The following CFAP61 variants were observed in gnomAD, a reference collection of about 807,000 sequenced individuals.
CFAP61 encodes cilia- and flagella-associated protein 61.
In CFAP61, 107 loss-of-function variants were observed where a neutral mutation model predicts 135.6. That is an observed-to-expected ratio of 0.79 (90% CI 0.67 to 0.93). The LOEUF (loss-of-function observed/expected upper bound fraction) is 0.93, where lower values mean the gene tolerates loss of function less well. CFAP61 is among the 40% of genes least tolerant of loss of function. The pLI is 0.00. For missense variants in CFAP61, 1,507 were observed against 1,556.2 expected, an observed-to-expected ratio of 0.97 and a Z score of 0.53; for synonymous variants, 575 against 578.5, an observed-to-expected ratio of 0.99 and a Z score of 0.09.
chr20:20,186,276 G>C (rs769192857), intron 13 of CFAP61, among the ~76,000 whole-genome samples: 1 of 152,152 alleles, frequency 6.6e-6, no homozygotes, highest in Non-Finnish European at 1.5e-5. Context: ...TACACAACAC[G>C]TGGCCTTTTG....
intron 26 of CFAP61, among the ~76,000 whole-genome samples, chr20:20,349,232 T>G (rs2058746937): frequency 6.6e-6 from 1 of 152,158 alleles, no homozygotes; most frequent in Admixed American, 6.5e-5. Flanking sequence ...ACTGGGTAGT[T>G]TATAAAGAAA....
intron 13 of CFAP61, among the ~76,000 whole-genome samples, chr20:20,183,820 G>A (rs577647462): frequency 1.5e-4 from 23 of 152,278 alleles, no homozygotes; most frequent in African/African-American, 5.3e-4. Flanking sequence ...CAAGTGTACA[G>A]GCTCTTGTAC....
chr20:20,298,575 A>G (rs761462419), intron 25 of CFAP61, among the ~76,000 whole-genome samples, 189 bp downstream of exon 25: 1 of 152,142 alleles, frequency 6.6e-6, no homozygotes, highest in Admixed American at 6.5e-5. Context: ...GAGTCACAGG[A>G]TGTGTCCACA....
At chr20:20,149,169 T>C (rs2061490529) in intron 9 of CFAP61, among the ~76,000 whole-genome samples, 1 of 152,216 alleles carries the variant, frequency 6.6e-6, no homozygotes, top group African/African-American at 2.4e-5. Flanking sequence ...TTTACCAAGA[T>C]AGACCATATT....
chr20:20,133,592 C>G (rs944279635), intron 8 of CFAP61, among the ~76,000 whole-genome samples: 2 of 152,216 alleles, frequency 1.3e-5, no homozygotes, highest in Admixed American at 6.5e-5. Context: ...GAATCAGAGT[C>G]ATCATTGCAA....
intron 25 of CFAP61, among the ~76,000 whole-genome samples, chr20:20,332,286 C>A (rs1193201): frequency 0.51 from 77,793 of 152,046 alleles, 21,236 homozygotes; most frequent in African/African-American, 0.71. Flanking sequence ...TCTTAAGTGT[C>A]TAAACATTAT....
chr20:20,258,769 C>A (rs1261588693), intron 20 of CFAP61, among the ~76,000 whole-genome samples: 1 of 152,164 alleles, frequency 6.6e-6, no homozygotes, highest in Admixed American at 6.5e-5. Context: ...CACCTGACTG[C>A]CGTTGAATGT....
At chr20:20,087,877 T>C (rs1306316189) in intron 6 of CFAP61, among the ~76,000 whole-genome samples, 2 of 151,080 alleles carry the variant, frequency 1.3e-5, no homozygotes, top group East Asian at 1.9e-4. Flanking sequence ...TTTTTTTTTT[T>C]CTAATCTCTT....
intron 2 of CFAP61, among the ~76,000 whole-genome samples, chr20:20,058,387 C>G (rs59655322): frequency 1.1e-3 from 171 of 152,266 alleles, no homozygotes; most frequent in African/African-American, 4.0e-3. Flanking sequence ...AAATCAGAAA[C>G]TTCATTAGAT....
At chr20:20,066,664 C>G (rs1016187474) in intron 2 of CFAP61, among the ~76,000 whole-genome samples, 1 of 152,098 alleles carries the variant, frequency 6.6e-6, no homozygotes, top group Admixed American at 6.5e-5. Flanking sequence ...ACATCACGCA[C>G]CAGGGCCTGT....
chr20:20,214,876 G>A lies in CFAP61; in HGVS notation c.1933-13373G>A, dbSNP rs143879338. ...GCTGCACCTGCTTCCTGTTTAGGGC[G>A]CAGGGCAGGCAGAAGGAGAGTGGAG... On this transcript the variant is annotated intron_variant, in intron 17 of 26. Transcript: ENST00000245957. Among the ~76,000 whole-genome samples, 106 of 152,334 alleles carry A rather than the reference G, an allele frequency of 7.0e-4. 2 individuals are homozygous for A. In the East Asian group the frequency reaches 0.019, roughly 28 times the overall value.
At chr20:20,317,676 C>A (rs761552291) in intron 25 of CFAP61, among the ~76,000 whole-genome samples, 1 of 152,144 alleles carries the variant, frequency 6.6e-6, no homozygotes. Context: ...TTGGCCCCAG[C>A]GGCTCTGACA....
chr20:20,063,522 A>G (rs1172385426), intron 2 of CFAP61, among the ~76,000 whole-genome samples: 2 of 152,234 alleles, frequency 1.3e-5, no homozygotes, highest in Admixed American at 6.5e-5. Flanking sequence ...ATAAACAGAG[A>G]CAAAATCATT....
At position 20,262,971 on chromosome 20, in the gene CFAP61, G is replaced by A. The variant is rs1457098349; in HGVS notation, c.2344G>A (p.Glu782Lys). ...CATGCTTCAGGTCCCATGCCCTACA[G>A]AGGCTGATATTAGTCAACACCTGAC... ...GQQYQVPCPT[E>K]ADISQHLTNR... Residue 782 changes from glutamate (E) to lysine (K), a missense_variant, in exon 21 of 27, where the codon GAG becomes AAG. Physicochemically the swap from Glu to Lys is moderately conservative, Grantham distance 56 (BLOSUM62 1). Transcript: ENST00000245957. The A allele has an allele frequency of 4.3e-6, 7 of 1,612,442 alleles. No homozygotes were observed. The highest frequency in any genetic ancestry group is 5.9e-6 in the Non-Finnish European group (7 of 1,179,260).
chr20:20,172,370 G>A, intron 13 of CFAP61: 3 of 736,448 alleles, frequency 4.1e-6, no homozygotes, highest in Non-Finnish European at 3.3e-6. Context: ...AGGCTGGAAT[G>A]CAATGGCACA....
intron 14 of CFAP61, among the ~76,000 whole-genome samples, chr20:20,189,438 T>C (rs1601289461): frequency 6.8e-6 from 1 of 147,690 alleles, no homozygotes; most frequent in Non-Finnish European, 1.5e-5. Flanking sequence ...CCTTTTCCAC[T>C]GTGTTGAGAT....
chr20:20,337,314 ATGG>A (rs2058241736), intron 25 of CFAP61, among the ~76,000 whole-genome samples: 1 of 22,570 alleles, frequency 4.4e-5, no homozygotes, highest in Non-Finnish European at 2.3e-4. Context: ...GGATGGATGG[ATGG>A]ATGGATGGAT....
At chr20:20,080,096 T>C (rs2046330095) in intron 6 of CFAP61, among the ~76,000 whole-genome samples, 1 of 152,132 alleles carries the variant, frequency 6.6e-6, no homozygotes, top group South Asian at 2.1e-4. Flanking sequence ...CATTTACTAA[T>C]TTTTTGGGGA....
At chr20:20,321,960 G>C (rs561418206) in intron 25 of CFAP61, among the ~76,000 whole-genome samples, 4 of 152,304 alleles carry the variant, frequency 2.6e-5, no homozygotes, top group Admixed American at 6.5e-5. Flanking sequence ...TTGTTTGCTA[G>C]AATATTCCCT....
Sources: allele counts gnomAD v4.1 joint callset (sites outside exome capture counted in the v4.1 genomes callset), GRCh38; gene constraint gnomAD v4.1.1; transcripts MANE v1.5; gene names NCBI Gene and HGNC (gene_info 2026-07-23, HGNC 2026-07-21).